FOXP1: variants seen among roughly 807,000 people sequenced by gnomAD.
FOXP1 encodes the protein forkhead box P1, also known as forkhead box protein P1.
Under a neutral mutation model 98.2 loss-of-function variants are expected in FOXP1, and 15 were observed. The observed-to-expected ratio is 0.15, with a 90% CI of 0.10 to 0.24. FOXP1 has a LOEUF of 0.24. FOXP1 is among the 10% of genes least tolerant of loss of function. The probability of loss-of-function intolerance (pLI) is 1.00; values close to 1 mark genes in which losing one functional copy is unlikely to be tolerated. For missense variants in FOXP1, 633 were observed against 848.5 expected (o/e 0.75, Z 3.15); for synonymous variants, 371 against 314.5 (o/e 1.18, Z -1.90).
At chr3:71,146,131 G>A (rs1250009000) in intron 6 of FOXP1, among the ~76,000 whole-genome samples, 2 of 152,194 alleles carry the variant, frequency 1.3e-5, no homozygotes, top group African/African-American at 4.8e-5. Flanking sequence ...ATGGCACAGG[G>A]AAGACTGGGA....
intron 13 of FOXP1, among the ~76,000 whole-genome samples, chr3:70,997,194 T>C (rs938758363): frequency 1.3e-5 from 2 of 152,102 alleles, no homozygotes; most frequent in Non-Finnish European, 2.9e-5. Context: ...AAAACGGAAA[T>C]AGGCTGTTTG....
intron 20 of FOXP1, among the ~76,000 whole-genome samples, chr3:70,961,759 A>T (rs2033583660): frequency 6.6e-6 from 1 of 152,194 alleles, no homozygotes; most frequent in African/African-American, 2.4e-5. Flanking sequence ...CAAGACAAAA[A>T]TGGCATTAAA....
chr3:71,411,021 G>C (rs1006952214), intron 3 of FOXP1, among the ~76,000 whole-genome samples: 2 of 152,216 alleles, frequency 1.3e-5, no homozygotes, highest in African/African-American at 4.8e-5. Context: ...GCTTTCTTTA[G>C]GAACTCCAAT....
At position 70,978,156 on chromosome 3, in the gene FOXP1, T is replaced by TACCATGA; in HGVS notation, c.1147-134_1147-128dup. ...TCTTCCTCTATGTAGATGGTATGTT[T>TACCATGA]ACCATGAACCGAAACACACGGTGAG... is the stretch of plus-strand genomic sequence containing the variant. On this transcript the variant is annotated intron_variant, in intron 14 of 20. Transcript: ENST00000649528. 3 of 764,606 alleles carry TACCATGA rather than the reference T, an allele frequency of 3.9e-6. No homozygotes were observed. The Admixed American group carries it at 6.0e-5, about 15-fold the overall frequency. 47.4% of individuals were successfully genotyped at this position (764,606 alleles called of 1,614,324 possible).
intron 2 of FOXP1, among the ~76,000 whole-genome samples, chr3:71,533,581 T>C (rs1281789550): frequency 2.0e-5 from 3 of 152,180 alleles, no homozygotes; most frequent in Admixed American, 6.5e-5. Flanking sequence ...GATTTTCGAC[T>C]GTGTGGAAAA....
At chr3:71,112,480 C>T (rs1252165548) in intron 7 of FOXP1, 56 bp downstream of exon 7, 4 of 1,349,506 alleles carry the variant, frequency 3.0e-6, no homozygotes, top group African/African-American at 1.4e-5. Context: ...TCCTGAACTG[C>T]TTGTCACTTA....
At chr3:71,309,600 C>T (rs71298380) in intron 4 of FOXP1, among the ~76,000 whole-genome samples, 2 of 152,170 alleles carry the variant, frequency 1.3e-5, no homozygotes, top group African/African-American at 4.8e-5. Flanking sequence ...TCCCCACCCC[C>T]TGAGCCAACC....
At chr3:71,227,807 G>A (rs1405917513) in intron 5 of FOXP1, among the ~76,000 whole-genome samples, 1 of 151,808 alleles carries the variant, frequency 6.6e-6, no homozygotes, top group Non-Finnish European at 1.5e-5. Context: ...GTATTTACCT[G>A]CTATTCATCG....
At chr3:71,246,720 A>G (rs1333189670) in intron 5 of FOXP1, among the ~76,000 whole-genome samples, 2 of 152,210 alleles carry the variant, frequency 1.3e-5, no homozygotes, top group African/African-American at 2.4e-5. Context: ...CACACGAAAC[A>G]AGTAGCAGTT....
chr3:71,350,573 AACTCTAGACTCCTCGAGG>A (rs1488641981), intron 4 of FOXP1, among the ~76,000 whole-genome samples: 1 of 152,142 alleles, frequency 6.6e-6, no homozygotes, highest in Non-Finnish European at 1.5e-5. Context: ...GAAATGAATG[AACTCTAGACTCCTCGAGG>A]ACAGAGGCAT....
intron 2 of FOXP1, among the ~76,000 whole-genome samples, chr3:71,541,742 A>T (rs1163421971): frequency 6.6e-6 from 1 of 152,252 alleles, no homozygotes; most frequent in East Asian, 1.9e-4. Context: ...TGTTACAAGA[A>T]GATGAAAAGT....
At chr3:71,269,416 T>C (rs11917535) in intron 5 of FOXP1, among the ~76,000 whole-genome samples, 4,945 of 152,220 alleles carry the variant, frequency 0.032, 272 homozygotes, top group African/African-American at 0.11. Context: ...AATTCCACTA[T>C]AAAAAGAATT....
At chr3:71,132,784 C>CA (rs1323958863) in intron 6 of FOXP1, among the ~76,000 whole-genome samples, 33 of 152,044 alleles carry the variant, frequency 2.2e-4, no homozygotes, top group African/African-American at 7.5e-4. Context: ...CTTGTGCAAA[C>CA]GAGTCCTGGG....
At chr3:71,267,911 G>A (rs578007661) in intron 5 of FOXP1, among the ~76,000 whole-genome samples, 3 of 151,520 alleles carry the variant, frequency 2.0e-5, no homozygotes, top group Admixed American at 6.6e-5. Flanking sequence ...CCAGCTATTC[G>A]GGAGGCTAAG....
intron 11 of FOXP1, among the ~76,000 whole-genome samples, chr3:71,033,008 C>A (rs762806296): frequency 6.6e-6 from 1 of 152,174 alleles, no homozygotes; most frequent in South Asian, 2.1e-4. Flanking sequence ...AGAGTAAAAC[C>A]GAGTACCATG....
intron 3 of FOXP1, among the ~76,000 whole-genome samples, chr3:71,396,929 T>TACAC (rs1577294114): frequency 1.9e-5 from 2 of 103,692 alleles, no homozygotes; most frequent in African/African-American, 4.3e-5. Context: ...TATATATATA[T>TACAC]ATATACACAT....
chr3:71,256,490 T>C (rs1297865950), intron 5 of FOXP1, among the ~76,000 whole-genome samples: 2 of 152,124 alleles, frequency 1.3e-5, no homozygotes, highest in East Asian at 1.9e-4. Context: ...TTCACACCAT[T>C]CTCCTGCCGC....
intron 5 of FOXP1, among the ~76,000 whole-genome samples, chr3:71,223,294 A>T (rs2065546840): frequency 1.3e-5 from 2 of 148,472 alleles, no homozygotes; most frequent in South Asian, 4.4e-4. Context: ...ACTCTTTCAT[A>T]CCTACATTAT....
At chr3:70,986,167 C>T (rs1186026645) in intron 14 of FOXP1, among the ~76,000 whole-genome samples, 1 of 152,162 alleles carries the variant, frequency 6.6e-6, no homozygotes, top group Non-Finnish European at 1.5e-5. Flanking sequence ...TCACTTCCCC[C>T]CATGCTTTTC....
Sources: allele counts gnomAD v4.1 joint callset (sites outside exome capture counted in the v4.1 genomes callset), GRCh38; gene constraint gnomAD v4.1.1; transcripts MANE v1.5; gene names NCBI Gene and HGNC (gene_info 2026-07-23, HGNC 2026-07-21).